Variants in SAMD3 observed in about 807,000 individuals in gnomAD.
SAMD3 encodes the protein sterile alpha motif domain containing 3.
In SAMD3, 63 loss-of-function variants were observed where a neutral mutation model predicts 58.5. That is an observed-to-expected ratio of 1.08 (90% CI 0.88 to 1.33). The LOEUF is 1.33. Ranked by LOEUF, SAMD3 falls within the 40% of genes most tolerant of loss-of-function variation. The probability of loss-of-function intolerance (pLI) is 0.00; values close to 1 mark genes in which losing one functional copy is unlikely to be tolerated. For synonymous variants in SAMD3, 220 were observed against 210.3 expected (o/e 1.05, Z -0.40); for missense variants, 604 against 608.4 (o/e 0.99, Z 0.08).
In SAMD3 at chr6:130,308,355, A is replaced by ATTCTATTCTATTCTATTCTATTCTATTCT. The variant is rs1562512650; in HGVS notation, c.-188+4594_-188+4622dup. The stretch of plus-strand genomic sequence containing the variant: ...CAATTTGGCAAGTTCATAGAATTCT[A>ATTCTATTCTATTCTATTCTATTCTATTCT]TTCTATTCTATTCTATTCTATTCTA... On this transcript the variant is annotated intron_variant, in intron 2 of 13. Coordinates refer to the SAMD3 transcript ENST00000368134. 9.1e-3 allele frequency among the ~76,000 whole-genome samples: 134 copies of ATTCTATTCTATTCTATTCTATTCTATTCT among 14,646 alleles called. 2 individuals carry two copies. The highest frequency in any genetic ancestry group is 0.026 in the African/African-American group (118 of 4,512). The allele number at this position is 14,646 out of a possible 152,430, so 9.6% of individuals were successfully genotyped here. A position where few individuals can be genotyped will look rare whatever the true frequency, so the allele number is the denominator to read the frequency against.
chr6:130,150,713 C>CTT (rs535281930), intron 9 of SAMD3, among the ~76,000 whole-genome samples: 53 of 136,018 alleles, frequency 3.9e-4, no homozygotes, highest in Admixed American at 1.2e-3. Flanking sequence ...GGCCAGAATT[C>CTT]TTTTTTTTTT....
intron 1 of SAMD3, among the ~76,000 whole-genome samples, chr6:130,338,139 G>T (rs1315046252): frequency 6.6e-6 from 1 of 152,196 alleles, no homozygotes; most frequent in Non-Finnish European, 1.5e-5. Flanking sequence ...CTGCGTTCCA[G>T]CTGCTCCAGC....
At chr6:130,164,956 C>T (rs1790596290) in intron 8 of SAMD3, among the ~76,000 whole-genome samples, 1 of 152,082 alleles carries the variant, frequency 6.6e-6, no homozygotes, top group African/African-American at 2.4e-5. Context: ...AACTTATATA[C>T]ACCTAACAAC....
At chr6:130,174,027 C>T (rs575652571) in intron 8 of SAMD3, among the ~76,000 whole-genome samples, 1 of 152,214 alleles carries the variant, frequency 6.6e-6, no homozygotes, top group African/African-American at 2.4e-5. Flanking sequence ...AGCCCTCCCC[C>T]CACCAAGCTC....
chr6:130,344,533 C>A (rs1238309401), intron 1 of SAMD3, among the ~76,000 whole-genome samples: 3 of 152,194 alleles, frequency 2.0e-5, no homozygotes, highest in East Asian at 3.9e-4. Flanking sequence ...AGGCAAACAC[C>A]ATCAGGCCTG....
intron 2 of SAMD3, among the ~76,000 whole-genome samples, chr6:130,249,787 G>T (rs1324635621): frequency 6.6e-6 from 1 of 152,176 alleles, no homozygotes; most frequent in South Asian, 2.1e-4. Flanking sequence ...TATCAAAAGA[G>T]CCTTTCCAGA....
intron 1 of SAMD3, among the ~76,000 whole-genome samples, chr6:130,356,561 GTCA>G (rs1205185884): frequency 8.5e-5 from 13 of 152,244 alleles, no homozygotes; most frequent in African/African-American, 3.1e-4. Flanking sequence ...CGGCATCTAA[GTCA>G]TTAAGGGTGA....
At chr6:130,365,150 C>G (rs979827118) in exon 1 of SAMD3, 1 of 982,450 alleles carries the variant, frequency 1.0e-6, no homozygotes, top group Non-Finnish European at 1.2e-6. Context: ...CAGTCATCAC[C>G]GTCTTTGCCG....
At chr6:130,312,044 T>C (rs1023197369) in intron 2 of SAMD3, among the ~76,000 whole-genome samples, 3 of 152,022 alleles carry the variant, frequency 2.0e-5, no homozygotes, top group African/African-American at 7.2e-5. Context: ...GGAGAAACAG[T>C]ATGAGAAAGA....
rs149416553 is a variant in SAMD3 at position 130,261,814 on chromosome 6, G to A, written c.-187-39001C>T. 7.1e-3 allele frequency among the ~76,000 whole-genome samples: 1,077 copies of A among 152,266 alleles called. 11 individuals carry two copies. The highest frequency in any genetic ancestry group is 0.017 in the Middle Eastern group (5 of 294). On this transcript the variant is annotated intron_variant, in intron 2 of 13. Transcript: ENST00000368134. ...CCTGGACAGGTCCCTTGTTTCAAAG[G>A]TATGGCACAAGGTAACCTGTAAATC...
At chr6:130,295,436 T>A (rs1775539022) in intron 2 of SAMD3, among the ~76,000 whole-genome samples, 1 of 152,232 alleles carries the variant, frequency 6.6e-6, no homozygotes, top group Non-Finnish European at 1.5e-5. Flanking sequence ...AATTGCATCC[T>A]AAATTTCTCT....
chr6:130,333,123 T>C (rs1776992799), intron 1 of SAMD3, among the ~76,000 whole-genome samples: 2 of 151,230 alleles, frequency 1.3e-5, no homozygotes, highest in African/African-American at 4.9e-5. Flanking sequence ...GATGAGAAGG[T>C]GTAAATCAGT....
At chr6:130,262,838 A>G (rs1774192266) in intron 2 of SAMD3, among the ~76,000 whole-genome samples, 1 of 152,182 alleles carries the variant, frequency 6.6e-6, no homozygotes, top group East Asian at 1.9e-4. Flanking sequence ...AATTGAAAAA[A>G]AATTCTGTGT....
intron 2 of SAMD3, among the ~76,000 whole-genome samples, chr6:130,293,968 G>T (rs577478357): frequency 2.6e-5 from 4 of 152,192 alleles, no homozygotes; most frequent in Admixed American, 2.6e-4. Context: ...GCCTGCTCAG[G>T]CTTCAAGACT....
chr6:130,196,764 A>G (rs1794156413), intron 5 of SAMD3, among the ~76,000 whole-genome samples: 2 of 152,144 alleles, frequency 1.3e-5, no homozygotes, highest in Non-Finnish European at 1.5e-5. Flanking sequence ...TTTACTCAAC[A>G]TGCCCCGAGT....
chr6:130,282,993 G>A (rs1775032824), intron 2 of SAMD3, among the ~76,000 whole-genome samples: 1 of 152,096 alleles, frequency 6.6e-6, no homozygotes, highest in Non-Finnish European at 1.5e-5. Flanking sequence ...TAGGGCACTG[G>A]TCGAGATTAT....
intron 5 of SAMD3, among the ~76,000 whole-genome samples, chr6:130,203,897 A>ATC (rs1232003724): frequency 6.6e-6 from 1 of 152,204 alleles, no homozygotes; most frequent in Non-Finnish European, 1.5e-5. Context: ...GGATGCACAC[A>ATC]CAACTGTATG....
Position 130,184,484 on chromosome 6 carries a change from T to A in SAMD3, c.523A>T (p.Ile175Phe). The change falls in exon 6 of 12, where the codon ATT becomes TTT. Residue 175 changes from isoleucine (I) to phenylalanine (F), a missense_variant. Transcript: ENST00000439090. ...CPDHSMRIRI[I>F]EFLQADMTKY... ...GTCATGTCGGCCTGGAGAAACTCAA[T>A]GATCCTTATCCTCATGCTGTGATCC... 6.2e-7 allele frequency: 1 copy of A among 1,614,184 alleles called. No homozygotes were observed.
intron 1 of SAMD3, among the ~76,000 whole-genome samples, chr6:130,362,264 G>C (rs959265168): frequency 3.9e-5 from 6 of 152,162 alleles, no homozygotes; most frequent in Non-Finnish European, 8.8e-5. Context: ...TAATAGGTTT[G>C]GGCAAGGGCC....
Sources: allele counts gnomAD v4.1 joint callset (sites outside exome capture counted in the v4.1 genomes callset), GRCh38; gene constraint gnomAD v4.1.1; transcripts MANE v1.5; gene names NCBI Gene and HGNC (gene_info 2026-07-23, HGNC 2026-07-21).